The following MTBP variants were observed in gnomAD, a reference collection of about 807,000 sequenced individuals.
MTBP encodes MDM2 binding protein.
In MTBP, 101 loss-of-function variants were observed where a neutral mutation model predicts 117.0. The observed-to-expected ratio is 0.86, with a 90% CI of 0.73 to 1.02. MTBP has a LOEUF of 1.02. Among genes scored for constraint, MTBP ranks in the 50% least tolerant of loss-of-function variants. The probability of loss-of-function intolerance (pLI) is 0.00; values close to 1 mark genes in which losing one functional copy is unlikely to be tolerated. For synonymous variants in MTBP, 350 were observed against 351.5 expected, an observed-to-expected ratio of 1.00 and a Z score of 0.05; for missense variants, 970 against 1,030.9, an observed-to-expected ratio of 0.94 and a Z score of 0.81.
At position 120,462,283 on chromosome 8, in the gene MTBP, G is replaced by A. The variant is rs188988831; in HGVS notation, c.977+1028G>A. Among the ~76,000 whole-genome samples, 361 of 152,276 alleles carry A rather than the reference G, an allele frequency of 2.4e-3. 5 individuals are homozygous for A. Among genetic ancestry groups the A allele is most frequent in the Admixed American group, 0.021 (317 of 15,284 alleles). ...AGCTCGAACTAAACAAGTGGCATTT[G>A]GAATGGAGAGCCAGGAAAAGTACAC... is the stretch of plus-strand genomic sequence containing the variant. On this transcript the variant is annotated intron_variant, in intron 9 of 21. Coordinates refer to ENST00000305949, the MANE Select transcript of MTBP (RefSeq NM_022045.5).
Position 120,464,936 on chromosome 8 carries a change from A to G in MTBP, c.1047+1175A>G, listed in dbSNP as rs149643470. On this transcript the variant is annotated intron_variant, in intron 10 of 21. Coordinates refer to ENST00000305949, the MANE Select transcript of MTBP (RefSeq NM_022045.5). ...GTGGAACTTACATTTTAGGGGACCA[A>G]CAGAAAATAAATAACTACAGACATA... is the stretch of plus-strand genomic sequence containing the variant. Among the ~76,000 whole-genome samples, 270 of 152,240 alleles carry G rather than the reference A, an allele frequency of 1.8e-3. 1 individual carries two copies. Among genetic ancestry groups the G allele is most frequent in the African/African-American group, 6.2e-3 (259 of 41,572 alleles).
intron 11 of MTBP, among the ~76,000 whole-genome samples, chr8:120,483,708 ACT>A (rs1189479200): frequency 6.6e-6 from 1 of 152,178 alleles, no homozygotes; most frequent in East Asian, 1.9e-4. Flanking sequence ...ACTAATAGAC[ACT>A]TGGTAGTTTC....
At chr8:120,503,299 G>A (rs1814621689) in intron 15 of MTBP, among the ~76,000 whole-genome samples, 1 of 152,130 alleles carries the variant, frequency 6.6e-6, no homozygotes, top group Admixed American at 6.5e-5. Context: ...GGAATAACAA[G>A]CTGTGCACTG....
At chr8:120,512,566 G>A (rs187461852) in intron 17 of MTBP, among the ~76,000 whole-genome samples, 229 of 152,072 alleles carry the variant, frequency 1.5e-3, no homozygotes, top group African/African-American at 5.4e-3. Context: ...TTTGAGTACT[G>A]TGTCCTGAAG....
At chr8:120,504,789 T>G (rs1159669244) in intron 15 of MTBP, among the ~76,000 whole-genome samples, 1 of 151,968 alleles carries the variant, frequency 6.6e-6, no homozygotes, top group Non-Finnish European at 1.5e-5. Flanking sequence ...ATTTGATTTT[T>G]TTCTTAATAT....
intron 17 of MTBP, among the ~76,000 whole-genome samples, chr8:120,514,081 G>T (rs978383939): frequency 7.3e-5 from 11 of 151,628 alleles, no homozygotes; most frequent in African/African-American, 2.4e-4. Context: ...TAAAAAGTGT[G>T]TATTTTTAAT....
Position 120,509,917 on chromosome 8 carries a change from A to C in MTBP, c.1884-17A>C. On this transcript the variant is annotated splice_polypyrimidine_tract_variant and intron_variant, in intron 16 of 21. Coordinates refer to ENST00000305949, the MANE Select transcript of MTBP (RefSeq NM_022045.5). ...GTAAATAAACTTTGAATACAAATGAAAAATTTTTTGTTTCAGGGAAAAGAC... is the reference window on the plus strand; with the variant it reads ...GTAAATAAACTTTGAATACAAATGACAAATTTTTTGTTTCAGGGAAAAGAC... 6.3e-7 allele frequency: 1 copy of C among 1,580,938 alleles called. No homozygotes were observed. Among genetic ancestry groups the C allele is most frequent in the Non-Finnish European group, 8.6e-7 (1 of 1,158,588 alleles).
chr8:120,505,942 C>A (rs1814677369), intron 15 of MTBP, among the ~76,000 whole-genome samples: 1 of 151,950 alleles, frequency 6.6e-6, no homozygotes, highest in Admixed American at 6.6e-5. Flanking sequence ...TGTAATGTAA[C>A]CTTTTGTATG....
At position 120,471,070 on chromosome 8, in the gene MTBP, C is replaced by T. The variant is rs142111870; in HGVS notation, c.1165+133C>T. The T allele has an allele frequency of 2.6e-4, 158 of 614,188 alleles. No homozygotes were observed. The African/African-American group carries it at 2.6e-3, about 10-fold the overall frequency. 38.0% of individuals were successfully genotyped at this position (614,188 alleles called of 1,614,324 possible). On this transcript the variant is annotated intron_variant, in intron 11 of 21. Transcript: ENST00000305949. ...ATTGCTACTGATTACCAGGAGTCCA[C>T]ATCATTTTAAGATTTTTAATTGCAA...
intron 10 of MTBP, among the ~76,000 whole-genome samples, chr8:120,468,204 A>G (rs1813739924): frequency 6.6e-6 from 1 of 152,160 alleles, no homozygotes; most frequent in South Asian, 2.1e-4. Flanking sequence ...ATTTGACTTT[A>G]AAAAGATTAT....
chr8:120,490,683 C>A (rs949505131), intron 13 of MTBP, 113 bp downstream of exon 13: 25 of 617,212 alleles, frequency 4.1e-5, no homozygotes, highest in African/African-American at 1.3e-4. Flanking sequence ...AGTTATGCTA[C>A]TTAATTATAG....
chr8:120,461,342 A>T (rs753682734), intron 9 of MTBP, 87 bp downstream of exon 9: 34 of 895,514 alleles, frequency 3.8e-5, no homozygotes, highest in Non-Finnish European at 5.2e-5. Flanking sequence ...TATACATGTT[A>T]GGTATATCTT....
chr8:120,481,844 G>A (rs1224281094), intron 11 of MTBP, among the ~76,000 whole-genome samples: 1 of 151,936 alleles, frequency 6.6e-6, no homozygotes, highest in Non-Finnish European at 1.5e-5. Flanking sequence ...AGAATCATTC[G>A]GGTCCTTCAA....
At position 120,518,034 on chromosome 8, in the gene MTBP, A is replaced by C; in HGVS notation, c.2430A>C (p.Gln810His). Residue 810 changes from glutamine (Q) to histidine (H), a missense_variant, in exon 19 of 22, where the codon CAA becomes CAC. Coordinates refer to ENST00000305949, the MANE Select transcript of MTBP (RefSeq NM_022045.5). Reference sequence around the variant, plus strand: ...TTGCTACAAAGACCAGTTCAGGTCAAAAAAGTATGCATGAATCAAAAACAT... The same window carrying C: ...TTGCTACAAAGACCAGTTCAGGTCACAAAAGTATGCATGAATCAAAAACAT... The part of the protein sequence containing the change: ...PKLATKTSSG[Q>H]KSMHESKTSR... The C allele has an allele frequency of 6.2e-7, 1 of 1,612,918 alleles. No individual in the cohort carries two copies. The highest frequency in any genetic ancestry group is 1.1e-5 in the South Asian group (1 of 91,040).
intron 10 of MTBP, among the ~76,000 whole-genome samples, chr8:120,466,998 C>G (rs947650185): frequency 7.2e-5 from 11 of 152,288 alleles, no homozygotes; most frequent in African/African-American, 2.4e-4. Context: ...GATGGACAGG[C>G]CCTTTCTCAA....
chr8:120,446,579 T>A (rs1813233083), intron 2 of MTBP, 66 bp downstream of exon 2: 2 of 1,014,830 alleles, frequency 2.0e-6, no homozygotes, highest in Non-Finnish European at 1.6e-6. Context: ...TTAATTAATT[T>A]GGACCCTAAG....
In MTBP at chr8:120,490,512, T is replaced by C. The variant is rs1814322304; in HGVS notation, c.1389T>C (p.Ile463=). The part of the protein sequence containing the change: ...LSLPHFSGEQ[I]VQREKQLANV... The stretch of plus-strand genomic sequence containing the variant: ...TTCCACATTTTTCTGGGGAGCAGAT[T>C]GTACAGAGAGAGAAACAGTTAGCTA... Residue 463 remains isoleucine (I), a synonymous_variant, in exon 13 of 22, where the codon ATT becomes ATC. Coordinates refer to ENST00000305949, the MANE Select transcript of MTBP (RefSeq NM_022045.5). 1 of 1,609,376 alleles carries C rather than the reference T, an allele frequency of 6.2e-7. No individual in the cohort carries two copies. The highest frequency in any genetic ancestry group is 1.3e-5 in the African/African-American group (1 of 74,642).
intron 11 of MTBP, among the ~76,000 whole-genome samples, chr8:120,482,401 C>T (rs771003386): frequency 7.2e-5 from 11 of 152,116 alleles, no homozygotes; most frequent in Non-Finnish European, 1.2e-4. Flanking sequence ...TCTGCAGTAG[C>T]TTTTTGTTAT....
At chr8:120,471,989 T>C (rs1263820713) in intron 11 of MTBP, 2 of 152,216 alleles carry the variant, frequency 1.3e-5, no homozygotes, top group Non-Finnish European at 2.9e-5. Flanking sequence ...AAAGTCACAT[T>C]GGTGAAGTGT....
Sources: gnomAD v4.1 joint callset for allele counts (sites outside exome capture counted in the v4.1 genomes callset) on GRCh38, gnomAD v4.1.1 for gene constraint, MANE v1.5 for transcripts, NCBI Gene and HGNC (gene_info 2026-07-23, HGNC 2026-07-21) for gene names.